EVL: variants seen among roughly 807,000 people sequenced by gnomAD.
The protein encoded by EVL is ena/VASP-like protein.
EVL carries 21 observed loss-of-function variants against 59.6 expected under a neutral mutation model. That is an observed-to-expected ratio of 0.35 (90% CI 0.25 to 0.51). The LOEUF (loss-of-function observed/expected upper bound fraction) is 0.51, where lower values mean the gene tolerates loss of function less well. EVL is among the 20% of genes least tolerant of loss of function. The probability of loss-of-function intolerance (pLI) is 0.97; values close to 1 mark genes in which losing one functional copy is unlikely to be tolerated. For missense variants in EVL, 462 were observed against 546.6 expected (o/e 0.85, Z 1.54); for synonymous variants, 198 against 203.5 (o/e 0.97, Z 0.23).
At chr14:100,094,433 C>G (rs1236784574) in intron 2 of EVL, among the ~76,000 whole-genome samples, 1 of 152,178 alleles carries the variant, frequency 6.6e-6, no homozygotes, top group East Asian at 1.9e-4. Context: ...ATGTAGCCAA[C>G]CAGAGAGTTC....
At chr14:100,060,646 A>G (rs2140261864), upstream of EVL, among the ~76,000 whole-genome samples, 1 of 152,260 alleles carries the variant, frequency 6.6e-6, no homozygotes, top group South Asian at 2.1e-4. Flanking sequence ...CATACGTGTA[A>G]TTGGAGTGCC....
chr14:100,037,949 A>G (rs1479253093), intron 1 of EVL, among the ~76,000 whole-genome samples: 1 of 152,228 alleles, frequency 6.6e-6, no homozygotes. Flanking sequence ...CACCACTTTC[A>G]GCAAGTTAGA....
intron 7 of EVL, among the ~76,000 whole-genome samples, chr14:100,129,988 G>A (rs941078647): frequency 2.0e-5 from 3 of 152,222 alleles, no homozygotes; most frequent in Non-Finnish European, 4.4e-5. Context: ...AGATAAATGC[G>A]GGAAAAAGAA....
At chr14:99,987,602 A>C (rs903114142) in intron 1 of EVL, among the ~76,000 whole-genome samples, 1 of 152,204 alleles carries the variant, frequency 6.6e-6, no homozygotes, top group Admixed American at 6.5e-5. Flanking sequence ...AGATTGCACC[A>C]CTGCACTCCA....
chr14:100,081,512 G>GC (rs1491247782), intron 1 of EVL, among the ~76,000 whole-genome samples: 1 of 30,024 alleles, frequency 3.3e-5, no homozygotes, highest in African/African-American at 1.9e-4. Context: ...ATTAACAACA[G>GC]CAAAAAAAAA....
At chr14:100,003,768 G>A (rs1168298067) in intron 1 of EVL, among the ~76,000 whole-genome samples, 1 of 152,040 alleles carries the variant, frequency 6.6e-6, no homozygotes, top group Non-Finnish European at 1.5e-5. Context: ...TTTTTCCTAA[G>A]CAAACCAAAT....
In EVL at chr14:100,114,021, A is replaced by G. The variant is rs1887168887; in HGVS notation, c.359-9518A>G. Among the ~76,000 whole-genome samples the G allele has an allele frequency of 6.6e-6, 1 of 152,170 alleles. No individual in the cohort carries two copies. The highest frequency in any genetic ancestry group is 1.5e-5 in the Non-Finnish European group (1 of 68,024). ...CAGACTCAGTGGGATAAGCGGAGGC[A>G]GAGAGGCCAGTTGGAGACCCTTGGA... On this transcript the variant is annotated intron_variant, in intron 3 of 13. Transcript: ENST00000392920. This position sits in a 1 kb window ranked among gnomAD's most constrained non-coding sequence, Gnocchi z 5.0.
chr14:100,073,865 C>G (rs1002992787), intron 1 of EVL, among the ~76,000 whole-genome samples: 3 of 152,190 alleles, frequency 2.0e-5, no homozygotes, highest in African/African-American at 7.2e-5. Flanking sequence ...AACAACCTGC[C>G]TCATGGAGGC....
chr14:100,100,264 G>C (rs977769693), intron 3 of EVL, among the ~76,000 whole-genome samples: 18 of 152,234 alleles, frequency 1.2e-4, no homozygotes, highest in African/African-American at 4.3e-4. Flanking sequence ...TAGTTTGGAT[G>C]TATGCATACA....
At chr14:100,111,148 AT>A (rs35367426) in intron 3 of EVL, among the ~76,000 whole-genome samples, 3,020 of 86,800 alleles carry the variant, frequency 0.035, 70 homozygotes, top group African/African-American at 0.13. Context: ...TAGTGTCCTC[AT>A]TTTTTTTTTT....
At chr14:100,091,092 T>C (rs1476847527) in intron 2 of EVL, among the ~76,000 whole-genome samples, 2 of 152,238 alleles carry the variant, frequency 1.3e-5, no homozygotes, top group Non-Finnish European at 2.9e-5. Context: ...CGACGCTTCC[T>C]AGCTGGTAGC....
At chr14:100,118,883 G>A (rs769940179) in intron 3 of EVL, among the ~76,000 whole-genome samples, 5 of 152,252 alleles carry the variant, frequency 3.3e-5, no homozygotes, top group Non-Finnish European at 5.9e-5. Flanking sequence ...ACTCGAAGCT[G>A]GAAAGTGGGC....
chr14:100,057,547 A>T lies in EVL; in HGVS notation c.6-27140A>T, dbSNP rs115371035. ...TTGTTCTTCATGTCTTCCCTCTGGT[A>T]TAAGAAACAGTTGGACTTCACAGAG... is the stretch of plus-strand genomic sequence containing the variant. On this transcript the variant is annotated intron_variant, in intron 1 of 13. Coordinates refer to the EVL transcript ENST00000402714. Among the ~76,000 whole-genome samples the T allele has an allele frequency of 5.7e-3, 866 of 152,140 alleles. 13 individuals are homozygous for T. Among genetic ancestry groups the T allele is most frequent in the African/African-American group, 0.02 (829 of 41,510 alleles).
intron 1 of EVL, among the ~76,000 whole-genome samples, chr14:99,991,727 A>G (rs2060876473): frequency 6.6e-6 from 1 of 152,222 alleles, no homozygotes; most frequent in Non-Finnish European, 1.5e-5. Flanking sequence ...GCTGCCAGCA[A>G]GTATGCTTGG....
At chr14:99,973,048 T>C (rs1393264689) in intron 1 of EVL, among the ~76,000 whole-genome samples, 1 of 152,240 alleles carries the variant, frequency 6.6e-6, no homozygotes, top group East Asian at 1.9e-4. Context: ...CATTCTACTG[T>C]TACTAGACAT....
chr14:100,040,613 AG>A (rs1467987962), intron 1 of EVL, among the ~76,000 whole-genome samples: 1 of 152,060 alleles, frequency 6.6e-6, no homozygotes, highest in African/African-American at 2.4e-5. Context: ...TCTGCACCAA[AG>A]GGTTTATATA....
intron 1 of EVL, among the ~76,000 whole-genome samples, chr14:99,983,301 G>A (rs143346350): frequency 1.3e-5 from 2 of 152,262 alleles, no homozygotes; most frequent in East Asian, 1.9e-4. Context: ...ACGTAGAGGC[G>A]ATAATTGTAC....
chr14:100,014,260 C>T (rs768242243), intron 1 of EVL, among the ~76,000 whole-genome samples: 6 of 152,116 alleles, frequency 3.9e-5, no homozygotes, highest in East Asian at 3.8e-4. Flanking sequence ...CTCACAAGTT[C>T]GATTGTTTCA....
chr14:100,044,167 T>C (rs1235140277), intron 1 of EVL, among the ~76,000 whole-genome samples: 1 of 152,178 alleles, frequency 6.6e-6, no homozygotes, highest in Non-Finnish European at 1.5e-5. Context: ...TCTATAATGG[T>C]TTATAATAGT....
Sources: allele counts gnomAD v4.1 joint callset (sites outside exome capture counted in the v4.1 genomes callset), GRCh38; gene constraint gnomAD v4.1.1; non-coding constraint Gnocchi (gnomAD v3.1); transcripts MANE v1.5; gene names NCBI Gene and HGNC (gene_info 2026-07-23, HGNC 2026-07-21).